The following BMAL2 variants were observed in gnomAD, a reference collection of about 807,000 sequenced individuals.
BMAL2 encodes basic helix-loop-helix ARNT like 2.
the BMAL2 span, chr12:27,368,526 G>A: frequency 3.1e-6 from 4 of 1,301,200 alleles, no homozygotes; most frequent in Admixed American, 2.1e-5. Context: ...TTTGGAGATG[G>A]GAGAGTACTT....
the BMAL2 span, chr12:27,418,141 G>A: frequency 6.2e-7 from 1 of 1,613,470 alleles, no homozygotes; most frequent in East Asian, 2.2e-5. Flanking sequence ...GGGAGCTAGA[G>A]GCTACCAGGC....
the BMAL2 span, among the ~76,000 whole-genome samples, chr12:27,342,378 T>C: frequency 2.0e-5 from 3 of 152,248 alleles, no homozygotes; most frequent in South Asian, 2.1e-4. Flanking sequence ...ATTGTGCCAA[T>C]AGAGTACTTA....
the BMAL2 span, chr12:27,424,164 A>G: frequency 3.2e-4 from 49 of 152,324 alleles, no homozygotes; most frequent in African/African-American, 1.1e-3. Context: ...TTATATTTCT[A>G]TTGGACAGCG....
the BMAL2 span, chr12:27,420,695 A>G: frequency 2.4e-6 from 2 of 845,540 alleles, no homozygotes; most frequent in Non-Finnish European, 3.3e-6. Context: ...GGATGTGGGG[A>G]AATACGTTTT....
At chr12:27,404,215 A>ATT in the BMAL2 span, among the ~76,000 whole-genome samples, 1,640 of 137,654 alleles carry the variant, frequency 0.012, 44 homozygotes, top group African/African-American at 0.039. Context: ...ACCACCATGC[A>ATT]TTTTTTTTTT....
chr12:27,337,454 T>C, the BMAL2 span, among the ~76,000 whole-genome samples: 1 of 152,184 alleles, frequency 6.6e-6, no homozygotes, highest in Admixed American at 6.5e-5. Flanking sequence ...TACTCAATTA[T>C]GTGAAGGAAC....
the BMAL2 span, among the ~76,000 whole-genome samples, chr12:27,338,181 C>G: frequency 6.6e-6 from 1 of 152,124 alleles, no homozygotes. Flanking sequence ...TTAAAGGACC[C>G]ATTAAATACG....
chr12:27,374,938 G>C, the BMAL2 span, among the ~76,000 whole-genome samples: 1 of 152,208 alleles, frequency 6.6e-6, no homozygotes, highest in Non-Finnish European at 1.5e-5. Context: ...AAACTGTGAA[G>C]AGGAAAAGCA....
the BMAL2 span, among the ~76,000 whole-genome samples, chr12:27,375,217 A>G: frequency 6.6e-6 from 1 of 152,190 alleles, no homozygotes; most frequent in Non-Finnish European, 1.5e-5. Flanking sequence ...CATAAATTGT[A>G]CTTCTAGGAA....
At chr12:27,368,311 C>T in the BMAL2 span, 7 of 1,614,000 alleles carry the variant, frequency 4.3e-6, no homozygotes, top group African/African-American at 6.7e-5. Context: ...TGGTTTCCAG[C>T]CGCGTGAGTC....
the BMAL2 span, among the ~76,000 whole-genome samples, chr12:27,384,169 G>A: frequency 2.6e-5 from 4 of 152,208 alleles, no homozygotes; most frequent in Non-Finnish European, 2.9e-5. Flanking sequence ...TGGCTTTGTC[G>A]TCTGTGTCAT....
the BMAL2 span, among the ~76,000 whole-genome samples, chr12:27,401,044 T>A: frequency 8.5e-5 from 13 of 152,158 alleles, no homozygotes; most frequent in African/African-American, 3.1e-4. Context: ...GAGCACAGCC[T>A]GGATCGGGTG....
the BMAL2 span, chr12:27,389,095 C>A: frequency 3.2e-6 from 3 of 937,366 alleles, no homozygotes; most frequent in South Asian, 1.4e-5. Context: ...AATCAAAAAT[C>A]AAAAAAGAAC....
chr12:27,364,483 T>TA, the BMAL2 span, among the ~76,000 whole-genome samples: 1 of 152,302 alleles, frequency 6.6e-6, no homozygotes, highest in Non-Finnish European at 1.5e-5. Context: ...TTAGCAGATG[T>TA]CCATATATAC....
the BMAL2 span, among the ~76,000 whole-genome samples, chr12:27,370,426 C>G: frequency 1.3e-5 from 2 of 152,150 alleles, no homozygotes; most frequent in African/African-American, 2.4e-5. Context: ...GTACGTGGTG[C>G]TGACTATATA....
the BMAL2 span, among the ~76,000 whole-genome samples, chr12:27,387,028 T>C: frequency 7.2e-5 from 11 of 152,308 alleles, no homozygotes; most frequent in East Asian, 2.1e-3. Context: ...TAATTTAGAA[T>C]AGGATTTCAA....
the BMAL2 span, among the ~76,000 whole-genome samples, chr12:27,381,646 C>T: frequency 4.7e-4 from 71 of 152,212 alleles, no homozygotes; most frequent in Middle Eastern, 3.4e-3. Flanking sequence ...GAGATTTGGG[C>T]GGGGACACAG....
the BMAL2 span, among the ~76,000 whole-genome samples, chr12:27,381,849 A>C: frequency 6.6e-6 from 1 of 152,212 alleles, no homozygotes; most frequent in African/African-American, 2.4e-5. Flanking sequence ...AGATTTGTAA[A>C]GATCTAGAAG....
At chr12:27,385,250 G>A in the BMAL2 span, among the ~76,000 whole-genome samples, 2 of 152,154 alleles carry the variant, frequency 1.3e-5, no homozygotes, top group East Asian at 3.8e-4. Flanking sequence ...GGAGGTGGAG[G>A]TTGCAGTGAG....
Sources: gnomAD v4.1 joint callset for allele counts (sites outside exome capture counted in the v4.1 genomes callset) on GRCh38, gnomAD v4.1.1 for gene constraint, MANE v1.5 for transcripts, NCBI Gene and HGNC (gene_info 2026-07-23, HGNC 2026-07-21) for gene names.